The following CYP3A43 variants were observed in gnomAD, a reference collection of about 807,000 sequenced individuals.
CYP3A43 encodes the protein cytochrome P450 family 3 subfamily A member 43.
A neutral mutation model predicts 58.0 loss-of-function variants in CYP3A43; 45 were observed. The observed-to-expected ratio is 0.78, with a 90% CI of 0.61 to 0.99. CYP3A43 has a LOEUF of 0.99. CYP3A43 is among the 50% of genes least tolerant of loss of function. The probability of loss-of-function intolerance (pLI) is 0.00; values close to 1 mark genes in which losing one functional copy is unlikely to be tolerated. For missense variants in CYP3A43, 593 were observed against 591.9 expected, an observed-to-expected ratio of 1.00 and a Z score of -0.02; for synonymous variants, 191 against 201.4, an observed-to-expected ratio of 0.95 and a Z score of 0.44.
intron 1 of CYP3A43, among the ~76,000 whole-genome samples, chr7:99,832,789 T>C (rs974440386): frequency 2.6e-5 from 4 of 152,118 alleles, no homozygotes; most frequent in African/African-American, 7.2e-5. Flanking sequence ...CTCCATGTAA[T>C]ACATGCTTTG....
intron 7 of CYP3A43, among the ~76,000 whole-genome samples, chr7:99,850,628 G>T (rs1352241056): frequency 2.0e-5 from 3 of 152,046 alleles, no homozygotes; most frequent in Non-Finnish European, 4.4e-5. Flanking sequence ...AAAGTTCTGG[G>T]ATTACAGGAG....
Position 99,847,522 on chromosome 7 carries a change from TAAGTTTTGCTG to T in CYP3A43, c.357_367del (p.Ser119ArgfsTer2), listed in dbSNP as rs1183144847. 1.2e-6 allele frequency: 2 copies of T among 1,614,030 alleles called. No homozygotes were observed. Among genetic ancestry groups the T allele is most frequent in the Non-Finnish European group, 1.7e-6 (2 of 1,179,984 alleles). On this transcript the variant is annotated frameshift_variant, in exon 5 of 13. Coordinates refer to ENST00000354829, the MANE Select transcript of CYP3A43 (RefSeq NM_057095.3). LOFTEE classifies it high-confidence loss of function. ...CCAATGGGATTTCTGAAAAGTGCCT[TAAGTTTTGCTG>T]AAGATGAAGAATGGAAGAGAATACG... is the stretch of plus-strand genomic sequence containing the variant.
At chr7:99,861,860 G>A (rs949477672) in intron 11 of CYP3A43, 21 bp downstream of exon 11, 6 of 1,589,064 alleles carry the variant, frequency 3.8e-6, no homozygotes, top group Non-Finnish European at 5.2e-6. Context: ...CCTGGGAAAG[G>A]AGCCTTCCCT....
chr7:99,848,080 A>G (rs1436718361), intron 5 of CYP3A43, 86 bp from the exon 6 acceptor site: 12 of 1,321,476 alleles, frequency 9.1e-6, no homozygotes, highest in Non-Finnish European at 1.2e-5. Context: ...ATTACAAAAT[A>G]TCATTTACTG....
At chr7:99,850,434 G>A (rs1230245816) in intron 7 of CYP3A43, among the ~76,000 whole-genome samples, 5 of 151,834 alleles carry the variant, frequency 3.3e-5, no homozygotes, top group African/African-American at 1.2e-4. Context: ...ACTAATTTTT[G>A]TATTTTTAGT....
chr7:99,855,417 T>C (rs1165301265), intron 7 of CYP3A43, 174 bp from the exon 8 acceptor site: 18 of 736,028 alleles, frequency 2.4e-5, no homozygotes, highest in Non-Finnish European at 3.5e-5. Context: ...GCTCAGCCAT[T>C]GGCATGGAAG....
intron 1 of CYP3A43, among the ~76,000 whole-genome samples, chr7:99,829,255 A>G (rs557184611): frequency 1.3e-5 from 2 of 152,222 alleles, no homozygotes; most frequent in Non-Finnish European, 2.9e-5. Flanking sequence ...GAGTTAATAC[A>G]TGCTGCCAAC....
At chr7:99,849,068 T>A (rs557036720) in intron 6 of CYP3A43, among the ~76,000 whole-genome samples, 1 of 152,184 alleles carries the variant, frequency 6.6e-6, no homozygotes, top group Non-Finnish European at 1.5e-5. Context: ...GACATGACGT[T>A]CACAGCAAGT....
In CYP3A43 at chr7:99,832,318, T is replaced by A. The variant is rs931808490; in HGVS notation, c.71+4132T>A. 2.0e-5 allele frequency among the ~76,000 whole-genome samples: 3 copies of A among 151,950 alleles called. No individual in the cohort carries two copies. In the South Asian group the frequency reaches 6.2e-4, roughly 32 times the overall value. On this transcript the variant is annotated intron_variant, in intron 1 of 12. Coordinates refer to ENST00000354829, the MANE Select transcript of CYP3A43 (RefSeq NM_057095.3). ...CCAGCCAAATCTCATCTTGAATTGT[T>A]ATCCCTATGTGTCAAGGAAGGGACC...
chr7:99,841,676 C>T (rs540671392), intron 3 of CYP3A43, among the ~76,000 whole-genome samples: 2 of 152,126 alleles, frequency 1.3e-5, no homozygotes, highest in African/African-American at 2.4e-5. Context: ...GTATTACAGG[C>T]ATGAGCCACT....
At chr7:99,831,586 C>A (rs1320831038) in intron 1 of CYP3A43, among the ~76,000 whole-genome samples, 2 of 152,152 alleles carry the variant, frequency 1.3e-5, no homozygotes, top group Non-Finnish European at 2.9e-5. Context: ...CTCAGTAACA[C>A]CAGAGTGGGA....
At chr7:99,860,268 T>C (rs1818176647) in intron 10 of CYP3A43, among the ~76,000 whole-genome samples, 1 of 152,196 alleles carries the variant, frequency 6.6e-6, no homozygotes, top group Non-Finnish European at 1.5e-5. Flanking sequence ...GAAATCTCAA[T>C]GACAACTAAA....
At chr7:99,850,988 G>A (rs1327673378) in intron 7 of CYP3A43, among the ~76,000 whole-genome samples, 1 of 152,076 alleles carries the variant, frequency 6.6e-6, no homozygotes, top group African/African-American at 2.4e-5. Flanking sequence ...CCAACTTGGC[G>A]AAACCCTGTC....
chr7:99,832,698 GA>G (rs983128088), intron 1 of CYP3A43, among the ~76,000 whole-genome samples: 66 of 146,888 alleles, frequency 4.5e-4, no homozygotes, highest in South Asian at 2.2e-3. Context: ...AATAATAATA[GA>G]AAAAAAAACA....
rs575348092 is a variant in CYP3A43, at chr7:99,836,493, A to C, written c.112A>C (p.Ile38Leu). 6 of 1,610,334 alleles carry C rather than the reference A, an allele frequency of 3.7e-6. No homozygotes were observed. The South Asian group carries it at 6.7e-5, about 18-fold the overall frequency. Residue 38 changes from isoleucine (I) to leucine (L), a missense_variant, in exon 2 of 13, where the codon ATT (isoleucine) becomes CTT (leucine). By Grantham distance (5) the Ile-to-Leu change is conservative. Transcript: ENST00000354829. Reference protein sequence around the residue: ...HSHKLFKKLGIPGPTPLPFLG... With the variant: ...HSHKLFKKLGLPGPTPLPFLG... ...ACATAAACTTTTTAAGAAGCTGGGA[A>C]TTCCTGGGCCAACCCCTCTGCCTTT...
At chr7:99,863,258 CT>C (rs1314120014) in intron 11 of CYP3A43, among the ~76,000 whole-genome samples, 3 of 152,170 alleles carry the variant, frequency 2.0e-5, no homozygotes, top group African/African-American at 7.2e-5. Context: ...TATAAGTAGT[CT>C]TTTAAAAACA....
intron 7 of CYP3A43, among the ~76,000 whole-genome samples, chr7:99,853,068 GATAT>G (rs1446174627): frequency 3.9e-5 from 6 of 152,158 alleles, no homozygotes; most frequent in Admixed American, 3.9e-4. Flanking sequence ...TTTATCCTGT[GATAT>G]ATTTTTCCAG....
In CYP3A43 at chr7:99,828,761, C is replaced by T. The variant is rs542151852; in HGVS notation, c.71+575C>T. Reference sequence around the variant, plus strand: ...GAATCTCTGACCCTCTTCTGTCTACCCATCCCCCATTCTTTCCCTCCTGAA... The same window carrying T: ...GAATCTCTGACCCTCTTCTGTCTACTCATCCCCCATTCTTTCCCTCCTGAA... On this transcript the variant is annotated intron_variant, in intron 1 of 12. Coordinates refer to ENST00000354829, the MANE Select transcript of CYP3A43 (RefSeq NM_057095.3). Among the ~76,000 whole-genome samples, 5 of 152,260 alleles carry T rather than the reference C, an allele frequency of 3.3e-5. No individual in the cohort carries two copies. In the South Asian group the frequency reaches 1.0e-3, roughly 32 times the overall value.
intron 4 of CYP3A43, among the ~76,000 whole-genome samples, chr7:99,846,250 T>G (rs1194488994): frequency 1.3e-5 from 2 of 152,224 alleles, no homozygotes; most frequent in African/African-American, 4.8e-5. Flanking sequence ...TTTCTTTAGG[T>G]TTTCTTTTAG....
Sources: gnomAD v4.1 joint callset for allele counts (sites outside exome capture counted in the v4.1 genomes callset) on GRCh38, gnomAD v4.1.1 for gene constraint, MANE v1.5 for transcripts, NCBI Gene and HGNC (gene_info 2026-07-23, HGNC 2026-07-21) for gene names.